CNTN5: variants seen among roughly 807,000 people sequenced by gnomAD.
CNTN5 encodes contactin 5.
A neutral mutation model predicts 129.1 loss-of-function variants in CNTN5; 77 were observed. That is an observed-to-expected ratio of 0.60 (90% CI 0.50 to 0.72). The LOEUF (loss-of-function observed/expected upper bound fraction) is 0.72, where lower values mean the gene tolerates loss of function less well. CNTN5 is among the 30% of genes least tolerant of loss of function. The pLI, the probability that CNTN5 is intolerant of heterozygous loss-of-function variation, is 0.00. For missense variants in CNTN5, 1,478 were observed against 1,328.8 expected, an observed-to-expected ratio of 1.11 and a Z score of -1.75; for synonymous variants, 509 against 465.6, an observed-to-expected ratio of 1.09 and a Z score of -1.20.
chr11:99,422,467 T>A (rs1942931355), intron 2 of CNTN5, among the ~76,000 whole-genome samples: 2 of 146,500 alleles, frequency 1.4e-5, no homozygotes, highest in Non-Finnish European at 3.0e-5. Flanking sequence ...CCTAACAGGG[T>A]TTACATCCTG....
intron 17 of CNTN5, among the ~76,000 whole-genome samples, chr11:100,263,827 C>T (rs958041299): frequency 9.2e-5 from 14 of 152,110 alleles, no homozygotes; most frequent in African/African-American, 3.1e-4. Flanking sequence ...CATCCTCTTG[C>T]CTACAGCCAT....
chr11:99,285,579 A>G (rs1863897347), intron 1 of CNTN5, among the ~76,000 whole-genome samples: 1 of 149,072 alleles, frequency 6.7e-6, no homozygotes, highest in Admixed American at 6.7e-5. Flanking sequence ...GAGGAGAAGA[A>G]CATTCAAGTT....
intron 1 of CNTN5, among the ~76,000 whole-genome samples, chr11:99,258,469 T>C (rs1214657825): frequency 6.6e-6 from 1 of 152,120 alleles, no homozygotes; most frequent in East Asian, 1.9e-4. Context: ...GTCTTACTTA[T>C]TGTACCTATG....
At chr11:99,223,050 G>A (rs1224629536) in intron 1 of CNTN5, among the ~76,000 whole-genome samples, 1 of 151,970 alleles carries the variant, frequency 6.6e-6, no homozygotes, top group Non-Finnish European at 1.5e-5. Flanking sequence ...GAGAGGAGTG[G>A]GCTTGAATCT....
At chr11:99,927,945 A>T (rs1024229435) in intron 7 of CNTN5, among the ~76,000 whole-genome samples, 8 of 152,188 alleles carry the variant, frequency 5.3e-5, no homozygotes, top group African/African-American at 1.7e-4. Flanking sequence ...CTCTAACATC[A>T]AAAGCAAGTT....
chr11:99,176,059 G>T (rs78778391), intron 1 of CNTN5, among the ~76,000 whole-genome samples: 6,221 of 152,194 alleles, frequency 0.041, 430 homozygotes, highest in African/African-American at 0.14. Flanking sequence ...ATTTGCTCTT[G>T]CAAGGTTCCC....
intron 8 of CNTN5, among the ~76,000 whole-genome samples, chr11:99,999,844 C>T (rs965201659): frequency 6.6e-6 from 1 of 152,038 alleles, no homozygotes; most frequent in Non-Finnish European, 1.5e-5. Flanking sequence ...ATGATGAGTT[C>T]ATGTCCTTTG....
At chr11:99,859,584 C>T (rs1275794049) in intron 6 of CNTN5, among the ~76,000 whole-genome samples, 1 of 152,146 alleles carries the variant, frequency 6.6e-6, no homozygotes, top group Non-Finnish European at 1.5e-5. Context: ...CTCGTACTTA[C>T]AGGTGAGAAC....
intron 18 of CNTN5, among the ~76,000 whole-genome samples, chr11:100,279,036 C>CT (rs1462906131): frequency 1.3e-5 from 2 of 151,896 alleles, no homozygotes; most frequent in African/African-American, 4.8e-5. Flanking sequence ...TTATCAAATG[C>CT]TTTTTCAACA....
intron 8 of CNTN5, among the ~76,000 whole-genome samples, chr11:99,963,122 G>T (rs933185574): frequency 6.6e-6 from 1 of 152,200 alleles, no homozygotes; most frequent in Admixed American, 6.5e-5. Context: ...TGTTCAATCT[G>T]ATGGTAGTTT....
chr11:99,547,480 A>G (rs1424129355), intron 2 of CNTN5, among the ~76,000 whole-genome samples: 8 of 152,214 alleles, frequency 5.3e-5, no homozygotes, highest in African/African-American at 1.4e-4. Context: ...TGTATGTAAA[A>G]GAGTTTTTAA....
At chr11:99,850,022 T>C (rs894429180) in intron 6 of CNTN5, among the ~76,000 whole-genome samples, 1 of 152,156 alleles carries the variant, frequency 6.6e-6, no homozygotes, top group Non-Finnish European at 1.5e-5. Flanking sequence ...CAAAAATTAA[T>C]ATTAGTAATG....
chr11:100,342,466 G>T (rs537334491), intron 23 of CNTN5, among the ~76,000 whole-genome samples: 1 of 152,088 alleles, frequency 6.6e-6, no homozygotes, highest in East Asian at 1.9e-4. Flanking sequence ...CCAGATAAAC[G>T]TGTATGGTCA....
chr11:100,120,053 TTAATG>T (rs1404220378), intron 13 of CNTN5, among the ~76,000 whole-genome samples: 3 of 151,098 alleles, frequency 2.0e-5, no homozygotes, highest in African/African-American at 7.3e-5. Context: ...TTCATATTAA[TTAATG>T]TAACCACAGC....
At chr11:99,756,150 A>T (rs528504387) in intron 3 of CNTN5, among the ~76,000 whole-genome samples, 1 of 152,226 alleles carries the variant, frequency 6.6e-6, no homozygotes, top group South Asian at 2.1e-4. Context: ...GAATAAAATC[A>T]GATTCTCCTG....
At chr11:99,900,884 C>A (rs1949338822) in intron 6 of CNTN5, among the ~76,000 whole-genome samples, 1 of 152,068 alleles carries the variant, frequency 6.6e-6, no homozygotes, top group African/African-American at 2.4e-5. Context: ...TGTTTCCCAG[C>A]TAGCCTCATA....
chr11:99,132,699 G>A (rs1239997462), intron 1 of CNTN5, among the ~76,000 whole-genome samples: 1 of 152,062 alleles, frequency 6.6e-6, no homozygotes, highest in Admixed American at 6.6e-5. Context: ...ACTAACAAGG[G>A]AAATGAAGGA....
intron 13 of CNTN5, among the ~76,000 whole-genome samples, chr11:100,124,149 G>A (rs1268071971): frequency 1.3e-5 from 2 of 151,950 alleles, no homozygotes; most frequent in African/African-American, 4.8e-5. Flanking sequence ...TATTGTAAAA[G>A]ATACAGAAAC....
intron 1 of CNTN5, among the ~76,000 whole-genome samples, chr11:99,193,493 AGGAT>A (rs1858747607): frequency 6.6e-6 from 1 of 152,162 alleles, no homozygotes; most frequent in Non-Finnish European, 1.5e-5. Context: ...GAATTGAGAA[AGGAT>A]GACCCATCTC....
Sources: allele counts gnomAD v4.1 joint callset (sites outside exome capture counted in the v4.1 genomes callset), GRCh38; gene constraint gnomAD v4.1.1; transcripts MANE v1.5; gene names NCBI Gene and HGNC (gene_info 2026-07-23, HGNC 2026-07-21).